CPM: variants seen among roughly 807,000 people sequenced by gnomAD.
CPM encodes the protein renal carboxypeptidase.
Under a neutral mutation model 46.4 loss-of-function variants are expected in CPM, and 35 were observed. That is an observed-to-expected ratio of 0.75 (90% CI 0.58 to 1.00). CPM has a LOEUF of 1.00. Ranked by LOEUF, CPM falls within the 50% of genes least tolerant of loss-of-function variation. The pLI is 0.00. For missense variants in CPM, 422 were observed against 530.4 expected, an observed-to-expected ratio of 0.80 and a Z score of 2.01; for synonymous variants, 195 against 195.3, an observed-to-expected ratio of 1.00 and a Z score of 0.01.
chr12:68,845,249 T>A (rs1282326261), intron 5 of CPM: 6 of 215,434 alleles, frequency 2.8e-5, no homozygotes, highest in African/African-American at 1.4e-4. Flanking sequence ...TGTTTAAAAG[T>A]TTGTGATCAT....
At chr12:68,947,726 C>A (rs1482530406) in intron 1 of CPM, among the ~76,000 whole-genome samples, 1 of 151,916 alleles carries the variant, frequency 6.6e-6, no homozygotes, top group East Asian at 1.9e-4. Flanking sequence ...CTGACTGCAA[C>A]CTTGACTTCC....
chr12:68,877,837 G>T (rs1305781019), intron 3 of CPM, among the ~76,000 whole-genome samples: 2 of 152,074 alleles, frequency 1.3e-5, no homozygotes, highest in African/African-American at 4.8e-5. Flanking sequence ...TTTCCAGAAC[G>T]GCCATAATTT....
At chr12:68,867,195 A>G in intron 6 of CPM, 147 bp from the exon 7 acceptor site, 1 of 770,140 alleles carries the variant, frequency 1.3e-6, no homozygotes. Flanking sequence ...TCAGGGCTTG[A>G]CATTCTATTA....
chr12:68,963,176 G>T, exon 1 of CPM: 2 of 170,966 alleles, frequency 1.2e-5, no homozygotes, highest in South Asian at 1.6e-4. Flanking sequence ...TACCTTGTTT[G>T]ATTGTAGGTC....
intron 2 of CPM, among the ~76,000 whole-genome samples, chr12:68,895,992 T>A (rs535067745): frequency 1.8e-4 from 27 of 152,194 alleles, no homozygotes; most frequent in Non-Finnish European, 2.6e-4. Flanking sequence ...GGCATTGAGA[T>A]GGCACCTGAT....
intron 3 of CPM, among the ~76,000 whole-genome samples, chr12:68,878,955 A>C (rs949155325): frequency 6.6e-6 from 1 of 152,232 alleles, no homozygotes; most frequent in Non-Finnish European, 1.5e-5. Flanking sequence ...TGGAAGGCCA[A>C]AGCCAGAGGA....
chr12:68,919,095 T>A (rs867579915), intron 2 of CPM, among the ~76,000 whole-genome samples: 1 of 152,248 alleles, frequency 6.6e-6, no homozygotes, highest in Non-Finnish European at 1.5e-5. Context: ...TTGCACTTTG[T>A]GCACTTTGTA....
At position 68,898,668 on chromosome 12, in the gene CPM, T is replaced by A. The variant is rs149296387; in HGVS notation, c.161-12779A>T. The stretch of plus-strand genomic sequence containing the variant: ...ACCTGCCTGAACACAGCATGTGAGA[T>A]GAGATGATATACAGTATCCTCTTCA... On this transcript the variant is annotated intron_variant, in intron 2 of 8. Coordinates refer to ENST00000551568, the MANE Select transcript of CPM (RefSeq NM_198320.5). Among the ~76,000 whole-genome samples, 885 of 152,346 alleles carry A rather than the reference T, an allele frequency of 5.8e-3. 14 individuals carry two copies. Among genetic ancestry groups the A allele is most frequent in the African/African-American group, 0.02 (814 of 41,580 alleles).
At chr12:68,949,139 G>A (rs1888895053) in intron 1 of CPM, among the ~76,000 whole-genome samples, 1 of 152,200 alleles carries the variant, frequency 6.6e-6, no homozygotes, top group Admixed American at 6.5e-5. Context: ...GGGAGGCTGA[G>A]GTGGGTGGAT....
chr12:68,860,280 C>T (rs975471425), intron 7 of CPM, among the ~76,000 whole-genome samples: 3 of 152,086 alleles, frequency 2.0e-5, no homozygotes, highest in Non-Finnish European at 2.9e-5. Context: ...ATTTTCACTT[C>T]GTGTGTTCCT....
rs1461857494 is a variant in CPM at position 68,852,570 on chromosome 12, G to GAGAC, written c.*3863_*3866dup. 1.0e-5 allele frequency: 1 copy of GAGAC among 98,542 alleles called. No individual in the cohort carries two copies. Among genetic ancestry groups the GAGAC allele is most frequent in the East Asian group, 2.4e-4 (1 of 4,090 alleles). The allele number at this position is 98,542 out of a possible 1,614,324, so 6.1% of individuals were successfully genotyped here. On this transcript the variant is annotated 3_prime_UTR_variant, in exon 9 of 9. Coordinates refer to ENST00000551568, the MANE Select transcript of CPM (RefSeq NM_198320.5). The stretch of plus-strand genomic sequence containing the variant: ...CTTTCTTTTTTCTTTTTTTTTTTTT[G>GAGAC]AGACAGAGGTTCGCTCTGTCACCCC...
upstream of CPM, among the ~76,000 whole-genome samples, chr12:68,936,707 G>A (rs746043987): frequency 6.6e-6 from 1 of 152,060 alleles, no homozygotes; most frequent in Non-Finnish European, 1.5e-5. Context: ...TTCTAAGTAT[G>A]GCACCATTAA....
chr12:68,929,750 A>T (rs888138028), intron 2 of CPM, among the ~76,000 whole-genome samples: 1 of 152,228 alleles, frequency 6.6e-6, no homozygotes. Flanking sequence ...ATGCTCAAAG[A>T]GGTGAATGAC....
At chr12:68,857,583 C>T (rs1165214805) in intron 8 of CPM, among the ~76,000 whole-genome samples, 1 of 151,872 alleles carries the variant, frequency 6.6e-6, no homozygotes, top group Admixed American at 6.6e-5. Flanking sequence ...AAACTAACTA[C>T]AGGCAATGTC....
At chr12:68,925,365 C>G (rs939351299) in intron 2 of CPM, among the ~76,000 whole-genome samples, 1 of 152,118 alleles carries the variant, frequency 6.6e-6, no homozygotes, top group Non-Finnish European at 1.5e-5. Flanking sequence ...CCCATGGTCA[C>G]GTAGCTACAA....
chr12:68,883,822 C>T (rs998270371), intron 3 of CPM, among the ~76,000 whole-genome samples: 3 of 151,462 alleles, frequency 2.0e-5, no homozygotes, highest in Admixed American at 6.6e-5. Flanking sequence ...GAGTCAGGCG[C>T]GGTGGCTCAC....
At position 68,856,593 on chromosome 12, in the gene CPM, A is replaced by C; in HGVS notation, c.1176T>G (p.Ile392Met). 1 of 1,614,232 alleles carries C rather than the reference A, an allele frequency of 6.2e-7. No homozygotes were observed. ...SQNFSALKKD[I>M]LLPFQGQLDS... ...CCAATTGCCCTTGGAATGGAAGTAG[A>C]ATATCCTTTTTAAGAGCACTGAAGT... Residue 392 changes from isoleucine (I) to methionine (M), a missense_variant, in exon 9 of 9, where the codon ATT becomes ATG. Transcript: ENST00000551568.
chr12:68,850,951 T>G (rs923583636), downstream of CPM, among the ~76,000 whole-genome samples: 1 of 152,022 alleles, frequency 6.6e-6, no homozygotes, highest in African/African-American at 2.4e-5. Flanking sequence ...ACAAATTAAT[T>G]TGGAATGTAT....
Position 68,933,168 on chromosome 12 carries a change from A to C in CPM, c.-30T>G, listed in dbSNP as rs1164013936. On this transcript the variant is annotated 5_prime_UTR_variant, in exon 1 of 9. Coordinates refer to ENST00000551568, the MANE Select transcript of CPM (RefSeq NM_198320.5). ...AGGTCCCAGGCGCGCACCTCTACCCACCCGCGGCCGCCCGGCGGGGCCGGG... is the reference window on the plus strand; with the variant it reads ...AGGTCCCAGGCGCGCACCTCTACCCCCCCGCGGCCGCCCGGCGGGGCCGGG... 3.7e-5 allele frequency: 6 copies of C among 162,932 alleles called. No homozygotes were observed. The highest frequency in any genetic ancestry group is 3.6e-4 in the East Asian group (2 of 5,556). 10.1% of individuals were successfully genotyped at this position (162,932 alleles called of 1,614,324 possible).
Sources: gnomAD v4.1 joint callset for allele counts (sites outside exome capture counted in the v4.1 genomes callset) on GRCh38, gnomAD v4.1.1 for gene constraint, MANE v1.5 for transcripts, NCBI Gene and HGNC (gene_info 2026-07-23, HGNC 2026-07-21) for gene names.